SULT4A1: variants seen among roughly 807,000 people sequenced by gnomAD.
SULT4A1 encodes sulfotransferase family 4A member 1, also known as sulfotransferase 4A1.
A neutral mutation model predicts 35.2 loss-of-function variants in SULT4A1; 11 were observed. That is an observed-to-expected ratio of 0.31 (90% CI 0.20 to 0.52). The LOEUF (loss-of-function observed/expected upper bound fraction) is 0.52, where lower values mean the gene tolerates loss of function less well. Among genes scored for constraint, SULT4A1 ranks in the 20% least tolerant of loss-of-function variants. SULT4A1 has a pLI of 0.97. For missense variants in SULT4A1, 271 were observed against 383.7 expected (o/e 0.71, Z 2.45); for synonymous variants, 152 against 151.8 (o/e 1.00, Z -0.01).
chr22:43,862,311 G>A lies in SULT4A1; in HGVS notation c.72C>T (p.Gly24=), dbSNP rs1235523084. ...EFESKYFEFH[G]VRLPPFCRGK... Reference sequence around the variant, plus strand: ...CGCGGCAGAAGGGCGGCAGCCGCACGCCATGGAACTCGAAGTACTTGCTCT... The same window carrying A: ...CGCGGCAGAAGGGCGGCAGCCGCACACCATGGAACTCGAAGTACTTGCTCT... Residue 24 remains glycine, a synonymous_variant, in exon 1 of 7, where the codon GGC becomes GGT. Transcript: ENST00000330884. The A allele has an allele frequency of 1.3e-6, 2 of 1,561,866 alleles. No homozygotes were observed. Among genetic ancestry groups the A allele is most frequent in the Non-Finnish European group, 1.7e-6 (2 of 1,153,024 alleles).
rs113628457 is a variant in SULT4A1, at chr22:43,825,503, T to C, written c.*498A>G. ...AACTCATCCTCTGTTCTCACCACTA[T>C]CTCAGAACCAAGTGAGAACAGAATG... is the stretch of plus-strand genomic sequence containing the variant. On this transcript the variant is annotated 3_prime_UTR_variant, in exon 7 of 7. Coordinates refer to ENST00000330884, the MANE Select transcript of SULT4A1 (RefSeq NM_014351.4). 2 of 153,628 alleles carry C rather than the reference T, an allele frequency of 1.3e-5. No individual in the cohort carries two copies. Among genetic ancestry groups the C allele is most frequent in the African/African-American group, 4.8e-5 (2 of 41,452 alleles). 9.5% of individuals were successfully genotyped at this position (153,628 alleles called of 1,614,324 possible).
chr22:43,827,331 G>A (rs1356818138), intron 6 of SULT4A1: 7 of 985,166 alleles, frequency 7.1e-6, no homozygotes, highest in South Asian at 9.4e-5. Context: ...AACGTAACAC[G>A]GACTTTCTCT....
chr22:43,862,454 C>CCCGCGT lies in SULT4A1; in HGVS notation c.-73_-72insACGCGG. On this transcript the variant is annotated 5_prime_UTR_variant, in exon 1 of 7. Coordinates refer to ENST00000330884, the MANE Select transcript of SULT4A1 (RefSeq NM_014351.4). ...GCACGCGCCCGCGCCCGCGCCCGCG[C>CCCGCGT]CCGCGCCCCGCACACGCTCGCGCCC... The CCCGCGT allele has an allele frequency of 5.2e-6, 5 of 960,872 alleles. No homozygotes were observed. Among genetic ancestry groups the CCCGCGT allele is most frequent in the Non-Finnish European group, 6.2e-6 (5 of 812,262 alleles). The allele number at this position is 960,872 out of a possible 1,614,324, so 59.5% of individuals were successfully genotyped here. A position where few individuals can be genotyped will look rare whatever the true frequency, so the allele number is the denominator to read the frequency against.
intron 1 of SULT4A1, among the ~76,000 whole-genome samples, chr22:43,860,756 G>A (rs2050701504): frequency 6.6e-6 from 1 of 152,170 alleles, no homozygotes; most frequent in African/African-American, 2.4e-5. Context: ...AAATCCCTAA[G>A]TGGCTGAGAC....
intron 1 of SULT4A1, among the ~76,000 whole-genome samples, chr22:43,848,002 T>C (rs2063487449): frequency 1.3e-5 from 2 of 152,176 alleles, no homozygotes; most frequent in Non-Finnish European, 2.9e-5. Context: ...GAGAATCCTC[T>C]TCTGCTGCTC....
chr22:43,831,051 G>A (rs1441820927), intron 5 of SULT4A1, among the ~76,000 whole-genome samples: 1 of 152,204 alleles, frequency 6.6e-6, no homozygotes, highest in Non-Finnish European at 1.5e-5. Flanking sequence ...GACCGGCTTT[G>A]ATAGAAAATG....
chr22:43,833,576 G>A, intron 5 of SULT4A1, 64 bp downstream of exon 5: 2 of 1,377,162 alleles, frequency 1.5e-6, no homozygotes, highest in East Asian at 4.9e-5. Context: ...AAGGGCTCCT[G>A]CGTCAGGAGC....
chr22:43,827,770 C>A (rs1603403635), intron 6 of SULT4A1: 1 of 464,036 alleles, frequency 2.2e-6, no homozygotes, highest in Non-Finnish European at 3.9e-6. Flanking sequence ...CACACACACA[C>A]ACACACACAC....
At chr22:43,843,193 C>A (rs1193072298) in intron 1 of SULT4A1, among the ~76,000 whole-genome samples, 1 of 152,158 alleles carries the variant, frequency 6.6e-6, no homozygotes, top group East Asian at 1.9e-4. Flanking sequence ...ACCGGGAGGA[C>A]TGCTTGAGGC....
Position 43,862,354 on chromosome 22 carries a change from C to G in SULT4A1, c.29G>C (p.Ser10Thr). MAESEAETP[S>T]TPGEFESKYF... Reference sequence around the variant, plus strand: ...CTTGCTCTCGAACTCCCCCGGGGTGCTGGGGGTCTCGGCCTCGCTCTCCGC... The same window carrying G: ...CTTGCTCTCGAACTCCCCCGGGGTGGTGGGGGTCTCGGCCTCGCTCTCCGC... The change falls in exon 1 of 7, where the codon AGC (serine) becomes ACC (threonine). Residue 10 changes from serine to threonine, a missense_variant. By Grantham distance (58) the Ser-to-Thr change is moderately conservative. Transcript: ENST00000330884. The G allele has an allele frequency of 6.6e-7, 1 of 1,503,990 alleles. No individual in the cohort carries two copies. The highest frequency in any genetic ancestry group is 1.2e-5 in the South Asian group (1 of 82,462). 93.2% of individuals were successfully genotyped at this position (1,503,990 alleles called of 1,614,324 possible). A position where few individuals can be genotyped will look rare whatever the true frequency, so the allele number is the denominator to read the frequency against.
At chr22:43,848,964 A>G (rs1014061514) in intron 1 of SULT4A1, among the ~76,000 whole-genome samples, 7 of 152,236 alleles carry the variant, frequency 4.6e-5, no homozygotes, top group African/African-American at 1.7e-4. Flanking sequence ...AGTAATTCAC[A>G]GAAGTGCTTC....
intron 1 of SULT4A1, among the ~76,000 whole-genome samples, chr22:43,842,992 T>TCTCC (rs1463074545): frequency 6.6e-6 from 1 of 151,790 alleles, no homozygotes; most frequent in Middle Eastern, 3.4e-3. Context: ...TCTCTCTCTC[T>TCTCC]CTCTCTCTCT....
At chr22:43,835,896 G>T (rs1440917280) in intron 4 of SULT4A1, among the ~76,000 whole-genome samples, 1 of 152,194 alleles carries the variant, frequency 6.6e-6, no homozygotes, top group Non-Finnish European at 1.5e-5. Context: ...CACAGCAGGA[G>T]GGGGGACGGG....
At chr22:43,829,020 G>C in intron 6 of SULT4A1, 40 bp downstream of exon 6, 1 of 1,491,690 alleles carries the variant, frequency 6.7e-7, no homozygotes, top group Non-Finnish European at 9.0e-7. Context: ...CCTGGCTGGG[G>C]TGGGGAGTGC....
At chr22:43,841,412 A>G (rs2063427670) in intron 2 of SULT4A1, among the ~76,000 whole-genome samples, 1 of 152,092 alleles carries the variant, frequency 6.6e-6, no homozygotes, top group Non-Finnish European at 1.5e-5. Context: ...GGGTGCGGGG[A>G]GCAGGGCTCT....
intron 1 of SULT4A1, among the ~76,000 whole-genome samples, chr22:43,842,526 G>C (rs966189952): frequency 3.6e-4 from 54 of 152,106 alleles, no homozygotes; most frequent in Non-Finnish European, 7.4e-5. Flanking sequence ...TCACCATGGT[G>C]TACTACACAG....
rs575349079 is a variant in SULT4A1, at chr22:43,844,342, C to T, written c.170-2410G>A. On this transcript the variant is annotated intron_variant, in intron 1 of 6. Transcript: ENST00000330884. Reference sequence around the variant, plus strand: ...CCGTGCCATTAAAGGCAGGGAGAGGCCTGCGGGGGAGCTCGTGTGTGCTGA... The same window carrying T: ...CCGTGCCATTAAAGGCAGGGAGAGGTCTGCGGGGGAGCTCGTGTGTGCTGA... 6.6e-5 allele frequency among the ~76,000 whole-genome samples: 10 copies of T among 152,296 alleles called. No individual in the cohort carries two copies. In the East Asian group the frequency reaches 1.9e-3, roughly 29 times the overall value.
At chr22:43,848,786 CACAGCTGGGCAG>C (rs2063492557) in intron 1 of SULT4A1, among the ~76,000 whole-genome samples, 1 of 152,228 alleles carries the variant, frequency 6.6e-6, no homozygotes. Flanking sequence ...TCTTCCTCAT[CACAGCTGGGCAG>C]CTGGAAGCCA....
At chr22:43,828,354 C>T (rs903676184) in intron 6 of SULT4A1, among the ~76,000 whole-genome samples, 16 of 152,222 alleles carry the variant, frequency 1.1e-4, no homozygotes, top group African/African-American at 3.6e-4. Context: ...TGCCACACAC[C>T]CTTAAGGACA....
Sources: allele counts gnomAD v4.1 joint callset (sites outside exome capture counted in the v4.1 genomes callset), GRCh38; gene constraint gnomAD v4.1.1; transcripts MANE v1.5; gene names NCBI Gene and HGNC (gene_info 2026-07-23, HGNC 2026-07-21).